ENOX1: variants seen among roughly 807,000 people sequenced by gnomAD.
ENOX1 encodes the protein ecto-NOX disulfide-thiol exchanger 1.
A neutral mutation model predicts 82.5 loss-of-function variants in ENOX1; 42 were observed. The ratio of observed to expected loss-of-function variants is 0.51; its 90% confidence interval spans 0.40 to 0.66. The LOEUF is 0.66. Ranked by LOEUF, ENOX1 falls within the 30% of genes least tolerant of loss-of-function variation. The probability of loss-of-function intolerance (pLI) is 0.00; values close to 1 mark genes in which losing one functional copy is unlikely to be tolerated. For synonymous variants in ENOX1, 271 were observed against 282.2 expected (o/e 0.96, Z 0.40); for missense variants, 608 against 811.6 (o/e 0.75, Z 3.05).
At chr13:43,412,578 C>T (rs1157224380) in intron 4 of ENOX1, among the ~76,000 whole-genome samples, 1 of 152,188 alleles carries the variant, frequency 6.6e-6, no homozygotes, top group Non-Finnish European at 1.5e-5. Context: ...ATACAGGTGT[C>T]TACCTAACGT....
At chr13:43,234,458 C>T (rs1456932944) in intron 15 of ENOX1, among the ~76,000 whole-genome samples, 1 of 152,132 alleles carries the variant, frequency 6.6e-6, no homozygotes, top group Non-Finnish European at 1.5e-5. Flanking sequence ...TCTGGCCTCC[C>T]TTCTACCTAA....
chr13:43,616,200 A>T (rs1413490266), intron 2 of ENOX1, among the ~76,000 whole-genome samples: 2 of 19,082 alleles, frequency 1.0e-4, no homozygotes, highest in African/African-American at 1.4e-4. Context: ...ATATATATAT[A>T]TATATTTTTT....
intron 2 of ENOX1, among the ~76,000 whole-genome samples, chr13:43,661,996 T>G (rs74367355): frequency 6.1e-5 from 1 of 16,416 alleles, no homozygotes; most frequent in Non-Finnish European, 1.4e-4. Context: ...ACAGATTGAT[T>G]TTTTTTTATA....
At chr13:43,659,640 C>T (rs1012374594) in intron 2 of ENOX1, among the ~76,000 whole-genome samples, 4 of 152,054 alleles carry the variant, frequency 2.6e-5, no homozygotes, top group African/African-American at 9.7e-5. Context: ...AAGGGCCGAG[C>T]ACTAGAAGGT....
At chr13:43,460,793 C>CAAAAAAA (rs1312983530) in intron 3 of ENOX1, among the ~76,000 whole-genome samples, 293 of 25,716 alleles carry the variant, frequency 0.011, 41 homozygotes, top group Non-Finnish European at 0.015. Context: ...GACTCCATCT[C>CAAAAAAA]AAAAAAAAAA....
intron 2 of ENOX1, among the ~76,000 whole-genome samples, chr13:43,617,800 ACT>A (rs1238180044): frequency 6.6e-6 from 1 of 152,212 alleles, no homozygotes; most frequent in Non-Finnish European, 1.5e-5. Context: ...GAATCTCCAC[ACT>A]GTTTTCCATA....
At chr13:43,539,298 A>T (rs1195682121) in intron 2 of ENOX1, among the ~76,000 whole-genome samples, 1 of 152,188 alleles carries the variant, frequency 6.6e-6, no homozygotes, top group Non-Finnish European at 1.5e-5. Context: ...CTTTGAACAT[A>T]TGCACTTAAG....
intron 2 of ENOX1, among the ~76,000 whole-genome samples, chr13:43,557,041 G>A (rs77114031): frequency 1.7e-3 from 252 of 152,368 alleles, no homozygotes; most frequent in African/African-American, 5.7e-3. Flanking sequence ...AGTGCAGTGC[G>A]AAGCAGGAGA....
intron 3 of ENOX1, among the ~76,000 whole-genome samples, chr13:43,479,377 T>C (rs1240833494): frequency 6.6e-6 from 1 of 152,140 alleles, no homozygotes; most frequent in Non-Finnish European, 1.5e-5. Context: ...TCTTGCAGAT[T>C]TCAGATTTTC....
intron 3 of ENOX1, among the ~76,000 whole-genome samples, chr13:43,439,028 C>T (rs550198711): frequency 4.0e-5 from 6 of 148,734 alleles, no homozygotes; most frequent in Non-Finnish European, 7.4e-5. Flanking sequence ...AATGAACTTT[C>T]CTGTCTTTTA....
chr13:43,426,324 G>A (rs1349481510), intron 3 of ENOX1, among the ~76,000 whole-genome samples: 1 of 152,118 alleles, frequency 6.6e-6, no homozygotes, highest in Non-Finnish European at 1.5e-5. Flanking sequence ...GTCATCGTAT[G>A]TATTTAGGTT....
At chr13:43,608,520 T>A (rs950453593) in intron 2 of ENOX1, among the ~76,000 whole-genome samples, 1 of 152,158 alleles carries the variant, frequency 6.6e-6, no homozygotes, top group Non-Finnish European at 1.5e-5. Flanking sequence ...AGGGACATCA[T>A]TCCAAGCCAG....
rs575987966 is a variant in ENOX1 at position 43,616,785 on chromosome 13, G to A, written c.-219+50694C>T. Among the ~76,000 whole-genome samples, 536 of 152,072 alleles carry A rather than the reference G, an allele frequency of 3.5e-3. 2 individuals carry two copies. The highest frequency in any genetic ancestry group is 0.034 in the Middle Eastern group (10 of 294). ...ATTTTAACTTAAAAACCTAACTACT[G>A]CAGAGGTGGGGAGGTACTAGAGGAA... is the stretch of plus-strand genomic sequence containing the variant. On this transcript the variant is annotated intron_variant, in intron 2 of 16. Coordinates refer to ENST00000690772, the MANE Select transcript of ENOX1 (RefSeq NM_001347969.2).
At chr13:43,219,906 G>A (rs2041696217) in intron 16 of ENOX1, among the ~76,000 whole-genome samples, 1 of 152,254 alleles carries the variant, frequency 6.6e-6, no homozygotes, top group African/African-American at 2.4e-5. Flanking sequence ...AGGGAAGCCA[G>A]TTGAAAACCA....
chr13:43,558,814 A>T (rs1163936008), intron 2 of ENOX1, among the ~76,000 whole-genome samples: 1 of 152,166 alleles, frequency 6.6e-6, no homozygotes, highest in Non-Finnish European at 1.5e-5. Flanking sequence ...AAAGTAGCAG[A>T]TTTCCTTTTA....
chr13:43,665,928 T>C (rs541697974), intron 2 of ENOX1, among the ~76,000 whole-genome samples: 1 of 148,872 alleles, frequency 6.7e-6, no homozygotes, highest in African/African-American at 2.5e-5. Context: ...CCATACTAGA[T>C]GCTTTAGGGT....
Position 43,538,472 on chromosome 13 carries a change from T to C in ENOX1, c.-218-54320A>G, listed in dbSNP as rs369677861. ...AATTACTGTATGAATTAATGTTGAA[T>C]TTTAATAAATACTTTATCATCATAT... On this transcript the variant is annotated intron_variant, in intron 2 of 16. Transcript: ENST00000690772. 2.2e-4 allele frequency among the ~76,000 whole-genome samples: 33 copies of C among 152,230 alleles called. No homozygotes were observed. In the South Asian group the frequency reaches 6.6e-3, roughly 31 times the overall value.
At chr13:43,634,727 T>G (rs1285747331) in intron 2 of ENOX1, among the ~76,000 whole-genome samples, 1 of 152,320 alleles carries the variant, frequency 6.6e-6, no homozygotes, top group African/African-American at 2.4e-5. Flanking sequence ...TATCTTTTTA[T>G]GTCATCATGG....
At chr13:43,702,676 C>T (rs566225580) in intron 1 of ENOX1, among the ~76,000 whole-genome samples, 5 of 152,130 alleles carry the variant, frequency 3.3e-5, no homozygotes, top group South Asian at 2.1e-4. Context: ...CTGGGCTGGG[C>T]GCAGTGGTTC....
Sources: allele counts gnomAD v4.1 joint callset (sites outside exome capture counted in the v4.1 genomes callset), GRCh38; gene constraint gnomAD v4.1.1; transcripts MANE v1.5; gene names NCBI Gene and HGNC (gene_info 2026-07-23, HGNC 2026-07-21).